WT1: variants seen among roughly 807,000 people sequenced by gnomAD.
WT1 encodes WT1 transcription factor.
WT1 carries 8 observed loss-of-function variants against 60.8 expected under a neutral mutation model. The observed-to-expected ratio is 0.13, with a 90% confidence interval of 0.08 to 0.24. The LOEUF (loss-of-function observed/expected upper bound fraction) is 0.24. WT1 is among the 10% of genes least tolerant of loss of function. The pLI is 1.00. For missense variants in WT1, 568 were observed against 711.8 expected (o/e 0.80, Z 2.30); for synonymous variants, 312 against 297.1 (o/e 1.05, Z -0.52).
Position 32,428,491 on chromosome 11 carries a change from G to C in WT1, c.784+6C>G, listed in dbSNP as rs1455790542. 6.2e-7 allele frequency: 1 copy of C among 1,614,024 alleles called. No individual in the cohort carries two copies. The highest frequency in any genetic ancestry group is 8.5e-7 in the Non-Finnish European group (1 of 1,180,014). On this transcript the variant is annotated splice_donor_region_variant and intron_variant, in intron 2 of 9. Coordinates refer to ENST00000452863, the MANE Select transcript of WT1 (RefSeq NM_024426.6). ...AGAAGGACTCCACTTGGTTCCGCTC[G>C]CTTACCCAGCGAGCCCTGCTGGCCC...
chr11:32,430,477 A>AGAGAGAGAGAGAGAGG lies in WT1; in HGVS notation c.662-1859_662-1858insCCTCTCTCTCTCTCTC. ...GAGGGAGAGAGAGAGAGAGAGAGAG[A>AGAGAGAGAGAGAGAGG]GAGAGAGAGAGAGACGAAATAGAAG... On this transcript the variant is annotated intron_variant, in intron 1 of 9. Coordinates refer to ENST00000452863, the MANE Select transcript of WT1 (RefSeq NM_024426.6). 3.8e-6 allele frequency: 6 copies of AGAGAGAGAGAGAGAGG among 1,580,596 alleles called. No individual in the cohort carries two copies. In the East Asian group the frequency reaches 1.2e-4, roughly 31 times the overall value.
intron 3 of WT1, among the ~76,000 whole-genome samples, chr11:32,418,021 A>G (rs1852733529): frequency 6.6e-6 from 1 of 152,110 alleles, no homozygotes; most frequent in Non-Finnish European, 1.5e-5. Flanking sequence ...CTGGAGCTGA[A>G]AGTAAAGACA....
intron 2 of WT1, 41 bp from the exon 3 acceptor site, chr11:32,428,099 A>C: frequency 6.5e-7 from 1 of 1,545,906 alleles, no homozygotes; most frequent in Non-Finnish European, 8.8e-7. Flanking sequence ...GTGCGCCCCA[A>C]GGGCTCGGGG....
intron 9 of WT1, 46 bp from the exon 10 acceptor site, chr11:32,389,225 G>A (rs2132900571): frequency 6.2e-7 from 1 of 1,613,582 alleles, no homozygotes; most frequent in Non-Finnish European, 8.5e-7. Flanking sequence ...CAAAGAGACA[G>A]GCACAAGTTC....
chr11:32,395,592 C>T (rs1490752723), intron 7 of WT1, among the ~76,000 whole-genome samples: 2 of 151,920 alleles, frequency 1.3e-5, no homozygotes, highest in African/African-American at 4.8e-5. Context: ...CTGCCCCAGC[C>T]TCCCAAGTAC....
chr11:32,408,213 G>GGAA (rs1554942037), intron 5 of WT1, among the ~76,000 whole-genome samples: 2 of 107,998 alleles, frequency 1.9e-5, no homozygotes, highest in African/African-American at 6.9e-5. Context: ...CTCCATCTCA[G>GGAA]AAAAAAAAAA....
At chr11:32,409,882 C>T (rs1198497601) in intron 5 of WT1, among the ~76,000 whole-genome samples, 1 of 152,030 alleles carries the variant, frequency 6.6e-6, no homozygotes, top group Admixed American at 6.6e-5. Context: ...ATTCTGTCCC[C>T]TCCCATTGAC....
In WT1 at chr11:32,435,479, G is replaced by A; in HGVS notation, c.-119C>T. On this transcript the variant is annotated 5_prime_UTR_variant, in exon 1 of 10. Transcript: ENST00000452863. ...CGGGAAGTGGGGGAGCGGACAGGCG[G>A]TCGGGTTGCGGAGAGCCCCCGGGTG... 6.9e-7 allele frequency: 1 copy of A among 1,439,588 alleles called. No homozygotes were observed. The highest frequency in any genetic ancestry group is 2.5e-5 in the East Asian group (1 of 39,470). The allele number at this position is 1,439,588 out of a possible 1,614,324, so 89.2% of individuals were successfully genotyped here.
intron 1 of WT1, 50 bp from the exon 2 acceptor site, chr11:32,428,669 C>A (rs1853154614): frequency 6.3e-6 from 10 of 1,590,740 alleles, no homozygotes; most frequent in South Asian, 2.2e-5. Context: ...TCTCGCAAGA[C>A]GGGGCAGTGG....
chr11:32,389,467 A>G (rs558144125), intron 9 of WT1, among the ~76,000 whole-genome samples: 1 of 152,354 alleles, frequency 6.6e-6, no homozygotes, highest in African/African-American at 2.4e-5. Flanking sequence ...GCAATTCATA[A>G]TTAAGGGGAA....
chr11:32,424,480 A>G (rs1852959529), intron 3 of WT1, among the ~76,000 whole-genome samples: 2 of 152,222 alleles, frequency 1.3e-5, no homozygotes, highest in Admixed American at 6.5e-5. Context: ...TCCAGTTATT[A>G]CATTATAAGG....
At chr11:32,428,233 A>G in intron 2 of WT1, among the ~76,000 whole-genome samples, 175 bp from the exon 3 acceptor site, 1 of 152,200 alleles carries the variant, frequency 6.6e-6, no homozygotes, top group Non-Finnish European at 1.5e-5. Context: ...CTCACTTTGC[A>G]TTCCCCTAGC....
At chr11:32,408,972 C>A (rs1423876043) in intron 5 of WT1, among the ~76,000 whole-genome samples, 1 of 152,194 alleles carries the variant, frequency 6.6e-6, no homozygotes, top group Admixed American at 6.5e-5. Flanking sequence ...TAGGAATTCT[C>A]AGTGGTTATG....
chr11:32,406,352 T>C (rs927840634), intron 5 of WT1, among the ~76,000 whole-genome samples: 3 of 152,170 alleles, frequency 2.0e-5, no homozygotes, highest in Admixed American at 1.3e-4. Context: ...ATAGGGTTCA[T>C]GCTGCCATGA....
intron 6 of WT1, among the ~76,000 whole-genome samples, chr11:32,397,760 C>CT (rs914217004): frequency 6.6e-6 from 1 of 152,116 alleles, no homozygotes; most frequent in African/African-American, 2.4e-5. Context: ...AGGTCATTTT[C>CT]TTTTTTGGAA....
chr11:32,432,087 G>T (rs1456412036), intron 1 of WT1, among the ~76,000 whole-genome samples: 2 of 152,170 alleles, frequency 1.3e-5, no homozygotes, highest in Non-Finnish European at 2.9e-5. Context: ...ATTGATGTTT[G>T]CTAAATTAAT....
At position 32,434,691 on chromosome 11, in the gene WT1, C is replaced by A. The variant is rs755336626; in HGVS notation, c.661+9G>T. The A allele has an allele frequency of 1.2e-6, 2 of 1,612,776 alleles. No homozygotes were observed. The highest frequency in any genetic ancestry group is 1.7e-6 in the Non-Finnish European group (2 of 1,179,934). On this transcript the variant is annotated intron_variant, in intron 1 of 9. Coordinates refer to ENST00000452863, the MANE Select transcript of WT1 (RefSeq NM_024426.6). ...CCCGCGCGTAGGGGGCGCTCCCCGG[C>A]CTACTTACCCTGATTGCGAATAGCG... is the stretch of plus-strand genomic sequence containing the variant.
At chr11:32,395,521 G>C (rs1470252645) in intron 7 of WT1, among the ~76,000 whole-genome samples, 1 of 151,342 alleles carries the variant, frequency 6.6e-6, no homozygotes, top group Non-Finnish European at 1.5e-5. Context: ...GCCCAGGCTG[G>C]AGTACAGTGG....
chr11:32,399,656 A>G (rs1852086163), intron 6 of WT1, among the ~76,000 whole-genome samples: 1 of 152,254 alleles, frequency 6.6e-6, no homozygotes, highest in Admixed American at 6.5e-5. Flanking sequence ...CTTAAATACA[A>G]AAGCTGCACA....
Sources: allele counts gnomAD v4.1 joint callset (sites outside exome capture counted in the v4.1 genomes callset), GRCh38; gene constraint gnomAD v4.1.1; transcripts MANE v1.5; gene names NCBI Gene and HGNC (gene_info 2026-07-23, HGNC 2026-07-21).